The following BPIFB2 variants were observed in gnomAD, a reference collection of about 807,000 sequenced individuals.
The protein encoded by BPIFB2 is BPI fold containing family B member 2.
A neutral mutation model predicts 50.1 loss-of-function variants in BPIFB2; 39 were observed. The ratio of observed to expected loss-of-function variants is 0.78; its 90% CI spans 0.60 to 1.02. The LOEUF (loss-of-function observed/expected upper bound fraction) is 1.02, where lower values mean the gene tolerates loss of function less well. BPIFB2 is among the 50% of genes least tolerant of loss of function. BPIFB2 has a pLI of 0.00. For synonymous variants in BPIFB2, 280 were observed against 256.3 expected, an observed-to-expected ratio of 1.09 and a Z score of -0.88; for missense variants, 574 against 585.8, an observed-to-expected ratio of 0.98 and a Z score of 0.21.
intron 10 of BPIFB2, among the ~76,000 whole-genome samples, 157 bp from the exon 11 acceptor site, chr20:33,019,423 G>A (rs1978569113): frequency 6.6e-6 from 1 of 152,048 alleles, no homozygotes; most frequent in African/African-American, 2.4e-5. Flanking sequence ...TTGTCCAGCG[G>A]CCTGTAAGAC....
At chr20:33,013,993 A>C (rs760247455) in intron 5 of BPIFB2, 37 bp downstream of exon 5, 1 of 1,595,286 alleles carries the variant, frequency 6.3e-7, no homozygotes, top group South Asian at 1.1e-5. Context: ...CAGGAATCCC[A>C]GATGCCAAAG....
intron 15 of BPIFB2, among the ~76,000 whole-genome samples, chr20:33,022,316 A>G (rs11696612): frequency 0.064 from 9,712 of 152,262 alleles, 445 homozygotes; most frequent in African/African-American, 0.13. Context: ...AGAAAGCTGA[A>G]CCCAGGTCTC....
intron 15 of BPIFB2, 147 bp from the exon 16 acceptor site, chr20:33,023,194 TG>T: frequency 1.4e-6 from 1 of 724,044 alleles, no homozygotes; most frequent in Non-Finnish European, 2.3e-6. Flanking sequence ...AGTGACAGAC[TG>T]GTAAACTGAG....
At chr20:33,018,191 G>T in intron 7 of BPIFB2, 68 bp from the exon 8 acceptor site, 1 of 1,216,124 alleles carries the variant, frequency 8.2e-7, no homozygotes, top group Admixed American at 2.0e-5. Flanking sequence ...AACTTTTCTG[G>T]ATAGATGAAA....
At position 33,009,633 on chromosome 20, in the gene BPIFB2, G is replaced by T. The variant is rs1026958103; in HGVS notation, c.109+950G>T. On this transcript the variant is annotated intron_variant, in intron 2 of 15. Transcript: ENST00000170150. This position sits in a 1 kb window ranked among gnomAD's most constrained non-coding sequence, Gnocchi z 4.2. ...CCGGGCTGATGGGCAGGCAATGAAA[G>T]GGGTCAGTGATCCGTGCCAGAGCAT... 2.0e-5 allele frequency among the ~76,000 whole-genome samples: 3 copies of T among 152,182 alleles called. No homozygotes were observed. The highest frequency in any genetic ancestry group is 7.2e-5 in the African/African-American group (3 of 41,454).
Position 33,008,690 on chromosome 20 carries a change from G to C in BPIFB2, c.109+7G>C. ...AAGGCAGCATTGAGCTACGGTAAGC[G>C]GTGTGTTACCCAGTGAGTGTCTGTG... is the stretch of plus-strand genomic sequence containing the variant. On this transcript the variant is annotated splice_region_variant and intron_variant, in intron 2 of 15. Coordinates refer to ENST00000170150, the MANE Select transcript of BPIFB2 (RefSeq NM_025227.3). The C allele has an allele frequency of 6.3e-7, 1 of 1,590,532 alleles. No homozygotes were observed. The highest frequency in any genetic ancestry group is 1.1e-5 in the South Asian group (1 of 87,422).
At chr20:33,017,445 C>A (rs1296274183) in intron 7 of BPIFB2, among the ~76,000 whole-genome samples, 1 of 152,196 alleles carries the variant, frequency 6.6e-6, no homozygotes, top group Non-Finnish European at 1.5e-5. Context: ...ACTCATCATT[C>A]CAAAGACCAG....
intron 9 of BPIFB2, 50 bp downstream of exon 9, chr20:33,018,872 G>A (rs1278154944): frequency 6.3e-7 from 1 of 1,585,490 alleles, no homozygotes; most frequent in Non-Finnish European, 8.6e-7. Flanking sequence ...AGCTCCCTGT[G>A]GCCCAGCCTA....
intron 8 of BPIFB2, 26 bp downstream of exon 8, chr20:33,018,376 G>T: frequency 6.3e-7 from 1 of 1,579,868 alleles, no homozygotes; most frequent in Non-Finnish European, 8.7e-7. Context: ...CCAGCCCAGA[G>T]CTGGGGGCTT....
At position 33,021,757 on chromosome 20, in the gene BPIFB2, G is replaced by A; in HGVS notation, c.1293G>A (p.Val431=). The change falls in exon 15 of 16, where the codon GTG becomes GTA. Residue 431 remains valine, a synonymous_variant. Coordinates refer to ENST00000170150, the MANE Select transcript of BPIFB2 (RefSeq NM_025227.3). ...LLAMGIALPG[V]VNLHYVAPEI... is the part of the protein sequence containing the mutation. ...CCATGGGAATTGCCCTCCCTGGTGTGGTCAACCTCCACTATGTCGCCCCTG... is the reference window on the plus strand; with the variant it reads ...CCATGGGAATTGCCCTCCCTGGTGTAGTCAACCTCCACTATGTCGCCCCTG... The A allele has an allele frequency of 6.2e-7, 1 of 1,614,104 alleles. No individual in the cohort carries two copies. The highest frequency in any genetic ancestry group is 2.2e-5 in the East Asian group (1 of 44,874).
Position 33,012,809 on chromosome 20 carries a change from G to A in BPIFB2, c.210G>A (p.Arg70=). 6.2e-7 allele frequency: 1 copy of A among 1,613,268 alleles called. No homozygotes were observed. The highest frequency in any genetic ancestry group is 1.1e-5 in the South Asian group (1 of 91,028). ...CTTGATTACTACCCTGCAGGATCCG[G>A]ATTCTGAATGTCCATGTGCCCCGCC... The part of the protein sequence containing the change: ...SGEALQPTRI[R]ILNVHVPRLH... The change falls in exon 4 of 16, where the codon CGG becomes CGA. Residue 70 remains arginine (R), a synonymous_variant. Transcript: ENST00000170150.
chr20:33,023,249 T>C lies in BPIFB2; in HGVS notation c.1336-93T>C, dbSNP rs560641947. 83 of 1,283,298 alleles carry C rather than the reference T, an allele frequency of 6.5e-5. No homozygotes were observed. The African/African-American group carries it at 6.6e-4, about 10-fold the overall frequency. The allele number at this position is 1,283,298 out of a possible 1,614,324, so 79.5% of individuals were successfully genotyped here. On this transcript the variant is annotated intron_variant, in intron 15 of 15. Coordinates refer to ENST00000170150, the MANE Select transcript of BPIFB2 (RefSeq NM_025227.3). ...CTCTCCTCACAACCCACAGCAAGAA[T>C]GGCAGAGCAGAACTCAGAGCCAGGC... is the stretch of plus-strand genomic sequence containing the variant.
At chr20:33,014,075 T>A (rs1023894315) in intron 5 of BPIFB2, 119 bp downstream of exon 5, 5 of 1,308,602 alleles carry the variant, frequency 3.8e-6, no homozygotes, top group Non-Finnish European at 5.1e-6. Flanking sequence ...GGGGCCCCCA[T>A]TATTGTGCTT....
chr20:33,018,789 C>G lies in BPIFB2; in HGVS notation c.822C>G (p.Ala274=). ...FDSALLLLQK[A]GALNLDITGQ... Reference sequence around the variant, plus strand: ...CTGCGCTCCTGCTGCTGCAGAAGGCCGGTGCCCTCAACCTGGACATCACAG... The same window carrying G: ...CTGCGCTCCTGCTGCTGCAGAAGGCGGGTGCCCTCAACCTGGACATCACAG... Residue 274 remains alanine, a synonymous_variant, in exon 9 of 16, where the codon GCC becomes GCG. Coordinates refer to ENST00000170150, the MANE Select transcript of BPIFB2 (RefSeq NM_025227.3). 6.2e-7 allele frequency: 1 copy of G among 1,613,558 alleles called. No homozygotes were observed. Among genetic ancestry groups the G allele is most frequent in the Non-Finnish European group, 8.5e-7 (1 of 1,179,800 alleles).
At position 33,020,390 on chromosome 20, in the gene BPIFB2, G is replaced by T. The variant is rs747339390; in HGVS notation, c.1143G>T (p.Val381=). Residue 381 remains valine (V), a synonymous_variant, in exon 12 of 16, where the codon GTG becomes GTT. Transcript: ENST00000170150. ...SKVKLQGTTS[V]LGDVQLTVAS... is the part of the protein sequence containing the mutation. Reference sequence around the variant, plus strand: ...TGAAGCTTCAGGGGACCACGTCTGTGCTGGGGTAAACGAGCCCACCTGGAC... The same window carrying T: ...TGAAGCTTCAGGGGACCACGTCTGTTCTGGGGTAAACGAGCCCACCTGGAC... 4.3e-6 allele frequency: 7 copies of T among 1,614,118 alleles called. No individual in the cohort carries two copies. In the East Asian group the frequency reaches 1.6e-4, roughly 36 times the overall value.
intron 5 of BPIFB2, 43 bp from the exon 6 acceptor site, chr20:33,015,393 T>C: frequency 3.2e-6 from 5 of 1,562,164 alleles, no homozygotes; most frequent in Non-Finnish European, 4.4e-6. Context: ...CGGGACTTAA[T>C]ATGTTTGGGA....
At chr20:33,013,241 T>C (rs1285024901) in intron 4 of BPIFB2, among the ~76,000 whole-genome samples, 1 of 152,148 alleles carries the variant, frequency 6.6e-6, no homozygotes, top group East Asian at 1.9e-4. Flanking sequence ...TGTCCTCTCT[T>C]TCCCAGGGCA....
At chr20:33,019,292 C>G (rs1291137879) in intron 10 of BPIFB2, among the ~76,000 whole-genome samples, 177 bp downstream of exon 10, 1 of 152,156 alleles carries the variant, frequency 6.6e-6, no homozygotes, top group Non-Finnish European at 1.5e-5. Context: ...CACACTCTGT[C>G]TCTCTGTGCC....
chr20:33,010,645 A>G (rs1017534073), intron 2 of BPIFB2, among the ~76,000 whole-genome samples: 11 of 152,016 alleles, frequency 7.2e-5, no homozygotes, highest in African/African-American at 2.2e-4. Flanking sequence ...GCGCCTCCAC[A>G]GCAGGCCAGG....
Sources: gnomAD v4.1 joint callset for allele counts (sites outside exome capture counted in the v4.1 genomes callset) on GRCh38, gnomAD v4.1.1 for gene constraint, Gnocchi (gnomAD v3.1) non-coding constraint, MANE v1.5 for transcripts, NCBI Gene and HGNC (gene_info 2026-07-23, HGNC 2026-07-21) for gene names.